SETD7: variants seen among roughly 807,000 people sequenced by gnomAD.
The protein encoded by SETD7 is SET domain containing 7, histone lysine methyltransferase.
A neutral mutation model predicts 41.8 loss-of-function variants in SETD7; 16 were observed. That is an observed-to-expected ratio of 0.38 (90% CI 0.26 to 0.58). SETD7 has a LOEUF of 0.58. SETD7 is among the 20% of genes least tolerant of loss of function. The probability of loss-of-function intolerance (pLI) is 0.64; values close to 1 mark genes in which losing one functional copy is unlikely to be tolerated. For synonymous variants in SETD7, 163 were observed against 169.7 expected, an observed-to-expected ratio of 0.96 and a Z score of 0.31; for missense variants, 346 against 459.7, an observed-to-expected ratio of 0.75 and a Z score of 2.26.
chr4:139,527,039 G>A (rs1041611713), intron 4 of SETD7, among the ~76,000 whole-genome samples: 2 of 152,178 alleles, frequency 1.3e-5, no homozygotes, highest in African/African-American at 4.8e-5. Flanking sequence ...GTCATGAGGT[G>A]AGTTGGTCAT....
intron 1 of SETD7, among the ~76,000 whole-genome samples, chr4:139,548,314 T>C (rs1192614672): frequency 1.3e-5 from 2 of 152,154 alleles, no homozygotes; most frequent in Non-Finnish European, 2.9e-5. Flanking sequence ...TTGGAAAAGA[T>C]GGTAAGTACA....
chr4:139,509,991 G>A lies in SETD7; in HGVS notation c.*1672C>T. Reference sequence around the variant, plus strand: ...TTGCAAAGAAGGGAAGGGCAACTCTGTCAATGTGCCCAAGGGCCACCTGAA... The same window carrying A: ...TTGCAAAGAAGGGAAGGGCAACTCTATCAATGTGCCCAAGGGCCACCTGAA... On this transcript the variant is annotated 3_prime_UTR_variant, in exon 8 of 8. Coordinates refer to ENST00000274031, the MANE Select transcript of SETD7 (RefSeq NM_030648.4). 1 of 598,216 alleles carries A rather than the reference G, an allele frequency of 1.7e-6. No individual in the cohort carries two copies. Among genetic ancestry groups the A allele is most frequent in the Non-Finnish European group, 2.1e-6 (1 of 475,934 alleles). The allele number at this position is 598,216 out of a possible 1,614,324, so 37.1% of individuals were successfully genotyped here.
intron 6 of SETD7, among the ~76,000 whole-genome samples, chr4:139,518,787 C>T (rs919271518): frequency 6.6e-6 from 1 of 152,200 alleles, no homozygotes; most frequent in Non-Finnish European, 1.5e-5. Context: ...AGGCAGCCAT[C>T]GATTACCAGC....
chr4:139,525,648 G>A (rs1330973539), intron 4 of SETD7, among the ~76,000 whole-genome samples: 1 of 152,184 alleles, frequency 6.6e-6, no homozygotes, highest in African/African-American at 2.4e-5. Context: ...AAAGCACACA[G>A]AGAAATGGAG....
intron 1 of SETD7, among the ~76,000 whole-genome samples, chr4:139,548,468 T>TA (rs1258444997): frequency 6.6e-6 from 1 of 151,966 alleles, no homozygotes; most frequent in Admixed American, 6.6e-5. Context: ...CCGTCTTTAC[T>TA]AAAAATACAA....
exon 8 of SETD7, chr4:139,496,518 G>A (rs1222237659): frequency 5.7e-6 from 4 of 701,354 alleles, no homozygotes; most frequent in African/African-American, 3.5e-5. Context: ...GATTCTTCTG[G>A]CCACTGAAAT....
In SETD7 at chr4:139,511,139, T is replaced by A. The variant is rs1679128632; in HGVS notation, c.*524A>T. On this transcript the variant is annotated 3_prime_UTR_variant, in exon 8 of 8. Coordinates refer to ENST00000274031, the MANE Select transcript of SETD7 (RefSeq NM_030648.4). ...ACTTTAGAAGTGGGCTCCTATTTAC[T>A]AAGAAAAAAACCAAAGCCATTCTAT... is the stretch of plus-strand genomic sequence containing the variant. The A allele has an allele frequency of 6.5e-6, 1 of 154,964 alleles. No homozygotes were observed. The highest frequency in any genetic ancestry group is 2.4e-5 in the African/African-American group (1 of 41,434). The allele number at this position is 154,964 out of a possible 1,614,324, so 9.6% of individuals were successfully genotyped here. A position where few individuals can be genotyped will look rare whatever the true frequency, so the allele number is the denominator to read the frequency against.
chr4:139,544,571 C>T lies in SETD7; in HGVS notation c.170+2349G>A, dbSNP rs547682655. Among the ~76,000 whole-genome samples, 61 of 152,164 alleles carry T rather than the reference C, an allele frequency of 4.0e-4. 1 individual carries two copies. Among genetic ancestry groups the T allele is most frequent in the African/African-American group, 1.4e-3 (58 of 41,530 alleles). ...GACAGGTGCCCAGGAAGTCTCAGGC[C>T]CCACTTTGCTATCTTACCCTAGGGC... On this transcript the variant is annotated intron_variant, in intron 2 of 7. Coordinates refer to ENST00000274031, the MANE Select transcript of SETD7 (RefSeq NM_030648.4).
intron 6 of SETD7, among the ~76,000 whole-genome samples, chr4:139,519,023 A>G (rs890740303): frequency 2.0e-5 from 3 of 152,178 alleles, no homozygotes; most frequent in African/African-American, 7.2e-5. Flanking sequence ...TAGTCCCTCA[A>G]CTGATGTTTA....
rs1727412491 is a variant in SETD7 at position 139,529,159 on chromosome 4, G to A, written c.434C>T (p.Ala145Val). ...GGTCCTCTCATCAGGGTACACATAG[G>A]CTATCTTCTCTCCAGTCATCTCCCC... is the stretch of plus-strand genomic sequence containing the variant. ...EDGEMTGEKI[A>V]YVYPDERTAL... The change falls in exon 4 of 8, where the codon GCC (alanine) becomes GTC (valine). Residue 145 changes from alanine (A) to valine (V), a missense_variant. Ala to Val is a moderately conservative substitution (Grantham distance 64, BLOSUM62 0). Transcript: ENST00000274031. The A allele has an allele frequency of 2.5e-6, 4 of 1,613,750 alleles. No individual in the cohort carries two copies. The highest frequency in any genetic ancestry group is 3.4e-6 in the Non-Finnish European group (4 of 1,179,942).
downstream of SETD7, among the ~76,000 whole-genome samples, chr4:139,505,611 G>A (rs910271724): frequency 9.3e-5 from 14 of 151,212 alleles, no homozygotes; most frequent in Non-Finnish European, 1.5e-4. Flanking sequence ...AAACGGAAAT[G>A]TTGACTGTGA....
In SETD7 at chr4:139,555,175, GAACT is replaced by G. The variant is rs1171756828; in HGVS notation, c.40+919_40+922del. Among the ~76,000 whole-genome samples, 125 of 47,986 alleles carry G rather than the reference GAACT, an allele frequency of 2.6e-3. No individual in the cohort carries two copies. The highest frequency in any genetic ancestry group is 8.0e-4 in the Non-Finnish European group (20 of 24,910). The allele number at this position is 47,986 out of a possible 152,430, so 31.5% of individuals were successfully genotyped here. ...ATAACGTCCCCACATCGTTTTTTCA[GAACT>G]AACAAAAAAAAAAAAAAAAAGGTGG... On this transcript the variant is annotated intron_variant, in intron 1 of 7. Transcript: ENST00000274031. This position sits in a 1 kb window ranked among gnomAD's most constrained non-coding sequence, Gnocchi z 4.0.
Position 139,555,744 on chromosome 4 carries a change from C to T in SETD7, c.40+354G>A, listed in dbSNP as rs1037792973. Among the ~76,000 whole-genome samples, 4 of 152,142 alleles carry T rather than the reference C, an allele frequency of 2.6e-5. No individual in the cohort carries two copies. Among genetic ancestry groups the T allele is most frequent in the African/African-American group, 9.6e-5 (4 of 41,456 alleles). On this transcript the variant is annotated intron_variant, in intron 1 of 7. Coordinates refer to ENST00000274031, the MANE Select transcript of SETD7 (RefSeq NM_030648.4). This position sits in a 1 kb window ranked among gnomAD's most constrained non-coding sequence, Gnocchi z 4.0. Reference sequence around the variant, plus strand: ...AGTCCGCCGGCCTCAAGGGGCTGCCCTGCGGAGTGCACCCACCCTCCGCGC... The same window carrying T: ...AGTCCGCCGGCCTCAAGGGGCTGCCTTGCGGAGTGCACCCACCCTCCGCGC...
intron 1 of SETD7, 74 bp from the exon 2 acceptor site, chr4:139,547,123 T>C (rs1441259754): frequency 6.4e-7 from 1 of 1,570,784 alleles, no homozygotes; most frequent in African/African-American, 1.4e-5. Flanking sequence ...AGCATTCAGA[T>C]GCTGCCAGAC....
At chr4:139,493,838 C>T (rs958988008), downstream of SETD7, among the ~76,000 whole-genome samples, 9 of 152,212 alleles carry the variant, frequency 5.9e-5, no homozygotes, top group African/African-American at 2.2e-4. Flanking sequence ...CTGCGGCTGG[C>T]TGCTTTACTG....
chr4:139,513,685 C>T (rs370313857), intron 7 of SETD7, among the ~76,000 whole-genome samples: 99 of 152,276 alleles, frequency 6.5e-4, no homozygotes, highest in African/African-American at 2.3e-3. Context: ...TTACTGCATC[C>T]TCTTGGAAAG....
In SETD7 at chr4:139,529,299, C is replaced by T. The variant is rs566657108; in HGVS notation, c.373-79G>A. 5.7e-3 allele frequency: 6,780 copies of T among 1,180,752 alleles called. 46 individuals carry two copies. The highest frequency in any genetic ancestry group is 6.5e-3 in the Non-Finnish European group (5,505 of 841,462). The allele number at this position is 1,180,752 out of a possible 1,614,324, so 73.1% of individuals were successfully genotyped here. On this transcript the variant is annotated intron_variant, in intron 3 of 7. Coordinates refer to ENST00000274031, the MANE Select transcript of SETD7 (RefSeq NM_030648.4). ...TGAGTCCCAAGAAATTTCTCTTCTG[C>T]AGTCCCATTATTAATATAGCACCAG... is the stretch of plus-strand genomic sequence containing the variant.
At chr4:139,516,236 C>T (rs140222790) in intron 7 of SETD7, among the ~76,000 whole-genome samples, 2,382 of 151,992 alleles carry the variant, frequency 0.016, 30 homozygotes, top group Middle Eastern at 0.031. Context: ...GAGGCTGAGG[C>T]GGGTGGATCC....
In SETD7 at chr4:139,555,133, A is replaced by G. The variant is rs934350694; in HGVS notation, c.40+965T>C. ...TTACAAAATCATAACATCCTATGATACAAACAACGAGATTGTATAACGTCC... is the reference window on the plus strand; with the variant it reads ...TTACAAAATCATAACATCCTATGATGCAAACAACGAGATTGTATAACGTCC... On this transcript the variant is annotated intron_variant, in intron 1 of 7. Transcript: ENST00000274031. The surrounding 1 kb of genome is among the most constrained non-coding windows in gnomAD (Gnocchi z 4.0). 1.3e-5 allele frequency among the ~76,000 whole-genome samples: 2 copies of G among 151,664 alleles called. No homozygotes were observed. The highest frequency in any genetic ancestry group is 1.3e-4 in the Admixed American group (2 of 15,212).
Sources: gnomAD v4.1 joint callset for allele counts (sites outside exome capture counted in the v4.1 genomes callset) on GRCh38, gnomAD v4.1.1 for gene constraint, Gnocchi (gnomAD v3.1) non-coding constraint, MANE v1.5 for transcripts, NCBI Gene and HGNC (gene_info 2026-07-23, HGNC 2026-07-21) for gene names.